Variants in MSMB observed in about 807,000 individuals in gnomAD.
The protein encoded by MSMB is beta-microseminoprotein.
In MSMB, 10 loss-of-function variants were observed where a neutral mutation model predicts 10.5. The observed-to-expected ratio is 0.95, with a 90% confidence interval of 0.59 to 1.62. The LOEUF (loss-of-function observed/expected upper bound fraction) is 1.62. Among genes scored for constraint, MSMB ranks in the 40% most tolerant of loss-of-function variants. MSMB has a pLI of 0.00. For missense variants in MSMB, 126 were observed against 137.4 expected, an observed-to-expected ratio of 0.92 and a Z score of 0.42; for synonymous variants, 43 against 46.5, an observed-to-expected ratio of 0.93 and a Z score of 0.30.
chr10:46,044,500 C>T lies in MSMB; in HGVS notation c.3+1735G>A, dbSNP rs372790744. On this transcript the variant is annotated intron_variant, in intron 1 of 3. Transcript: ENST00000582163. Reference sequence around the variant, plus strand: ...CTGAGGCAGGAGAATGGCGTGAACCCGGGAGGTGGAGCTTGCAGTGAGCCG... The same window carrying T: ...CTGAGGCAGGAGAATGGCGTGAACCTGGGAGGTGGAGCTTGCAGTGAGCCG... 6.5e-3 allele frequency among the ~76,000 whole-genome samples: 861 copies of T among 132,480 alleles called. 7 individuals are homozygous for T. The highest frequency in any genetic ancestry group is 0.034 in the Middle Eastern group (8 of 232). 86.9% of individuals were successfully genotyped at this position (132,480 alleles called of 152,430 possible). A position where few individuals can be genotyped will look rare whatever the true frequency, so the allele number is the denominator to read the frequency against.
At chr10:46,041,058 T>C (rs1554928528) in intron 1 of MSMB, among the ~76,000 whole-genome samples, 1 of 152,088 alleles carries the variant, frequency 6.6e-6, no homozygotes, top group African/African-American at 2.4e-5. Context: ...AAAAGTTAAT[T>C]GAGGGCCAGG....
chr10:46,042,757 T>C (rs10994201), intron 1 of MSMB, among the ~76,000 whole-genome samples: 22,879 of 152,168 alleles, frequency 0.15, 1,726 homozygotes, highest in African/African-American at 0.16. Flanking sequence ...TCACCACATG[T>C]CACGACATGA....
intron 1 of MSMB, among the ~76,000 whole-genome samples, chr10:46,040,339 T>C (rs1219259821): frequency 1.3e-5 from 2 of 152,124 alleles, no homozygotes; most frequent in African/African-American, 2.4e-5. Flanking sequence ...CTGGGAACTT[T>C]TGAAAGGGAA....
At chr10:46,043,943 G>A (rs181981744) in intron 1 of MSMB, among the ~76,000 whole-genome samples, 1 of 152,164 alleles carries the variant, frequency 6.6e-6, no homozygotes, top group East Asian at 2.0e-4. Flanking sequence ...CCAAAGTGCT[G>A]GGATTATGGG....
rs1840705316 is a variant in MSMB at position 46,040,010 on chromosome 10, C to G, written c.85G>C (p.Gly29Arg). ...CTCCTGGTTGAATCTCCTGGAACTC[C>G]CTCATTAGGTATGAAATAGCATGAT... Reference protein sequence around the residue: ...NASCYFIPNEGVPGDSTRKCM... With the variant: ...NASCYFIPNERVPGDSTRKCM... The change falls in exon 2 of 4, where the codon GGA (glycine) becomes CGA (arginine). Residue 29 changes from glycine (G) to arginine (R), a missense_variant. By Grantham distance (125) the Gly-to-Arg change is moderately radical. Coordinates refer to ENST00000582163, the MANE Select transcript of MSMB (RefSeq NM_002443.4). The G allele has an allele frequency of 6.2e-7, 1 of 1,613,868 alleles. No individual in the cohort carries two copies. Among genetic ancestry groups the G allele is most frequent in the Non-Finnish European group, 8.5e-7 (1 of 1,179,788 alleles).
chr10:46,040,968 C>A (rs1459343321), intron 1 of MSMB, among the ~76,000 whole-genome samples: 11 of 148,730 alleles, frequency 7.4e-5, no homozygotes, highest in African/African-American at 2.7e-4. Flanking sequence ...AAAAAAAAAG[C>A]CAAACTTCTC....
chr10:46,037,428 G>A (rs1227183401), intron 3 of MSMB, among the ~76,000 whole-genome samples: 1 of 152,190 alleles, frequency 6.6e-6, no homozygotes, highest in Non-Finnish European at 1.5e-5. Context: ...TGGATTTGGG[G>A]GGTTGGGAGT....
In MSMB at chr10:46,033,406, G is replaced by A. The variant is rs10611; in HGVS notation, c.*16C>T. ...ATGAGGCCTGGCCTGGGAGCCCTGT[G>A]CCTACTAGAAGCACATTAGATTATC... is the stretch of plus-strand genomic sequence containing the variant. On this transcript the variant is annotated 3_prime_UTR_variant, in exon 4 of 4. Transcript: ENST00000582163. The A allele has an allele frequency of 5.6e-6, 9 of 1,612,846 alleles. No individual in the cohort carries two copies. The highest frequency in any genetic ancestry group is 7.6e-6 in the Non-Finnish European group (9 of 1,179,056).
In MSMB at chr10:46,040,089, A is replaced by G. The variant is rs1408644614; in HGVS notation, c.6T>C (p.Asn2=). 6.2e-7 allele frequency: 1 copy of G among 1,613,198 alleles called. No homozygotes were observed. The highest frequency in any genetic ancestry group is 8.5e-7 in the Non-Finnish European group (1 of 1,179,218). ...AGATCACAACGCTGCCCAGGAGAACATTCTGTAATGTGAAGAAAGGTCAGG... is the reference window on the plus strand; with the variant it reads ...AGATCACAACGCTGCCCAGGAGAACGTTCTGTAATGTGAAGAAAGGTCAGG... M[N]VLLGSVVIFA... is the part of the protein sequence containing the mutation. Residue 2 remains asparagine (N), a splice_region_variant and synonymous_variant, in exon 2 of 4, where the codon AAT becomes AAC. Transcript: ENST00000582163.
chr10:46,045,451 G>A (rs1480096497), intron 1 of MSMB, among the ~76,000 whole-genome samples: 1 of 152,058 alleles, frequency 6.6e-6, no homozygotes, highest in Non-Finnish European at 1.5e-5. Context: ...AGGATCACCT[G>A]AGCCCAGGAA....
chr10:46,043,194 A>G (rs1554928863), intron 1 of MSMB, among the ~76,000 whole-genome samples: 1 of 152,160 alleles, frequency 6.6e-6, no homozygotes. Context: ...CTGAGTCACA[A>G]AGCAGGAGAG....
chr10:46,034,410 G>C lies in MSMB; in HGVS notation c.216-859C>G, dbSNP rs372080336. On this transcript the variant is annotated intron_variant, in intron 3 of 3. Coordinates refer to ENST00000582163, the MANE Select transcript of MSMB (RefSeq NM_002443.4). ...CTCCCAAAGTGCTGGGATTACAGGC[G>C]TGAGACACCATGCCCAGCCCAGTGC... Among the ~76,000 whole-genome samples, 25 of 151,546 alleles carry C rather than the reference G, an allele frequency of 1.6e-4. 1 individual carries two copies. Among genetic ancestry groups the C allele is most frequent in the Admixed American group, 1.4e-3 (21 of 15,248 alleles).
chr10:46,035,287 C>A (rs1394569363), intron 3 of MSMB, among the ~76,000 whole-genome samples: 5 of 152,096 alleles, frequency 3.3e-5, no homozygotes, highest in Admixed American at 2.0e-4. Flanking sequence ...GGTATATATC[C>A]CAAAAGAATT....
chr10:46,038,951 T>C lies in MSMB; in HGVS notation c.215+15A>G. ...GCTATGTCCCCCTCTTGGCCAGCAC[T>C]GGCTTGAGACTTACAGGGTGCAACA... On this transcript the variant is annotated intron_variant, in intron 3 of 3. Transcript: ENST00000582163. The C allele has an allele frequency of 1.9e-6, 3 of 1,611,088 alleles. No individual in the cohort carries two copies. In the South Asian group the frequency reaches 3.3e-5, roughly 18 times the overall value.
intron 3 of MSMB, among the ~76,000 whole-genome samples, chr10:46,036,614 C>T (rs1230638592): frequency 1.3e-5 from 2 of 152,186 alleles, no homozygotes; most frequent in Non-Finnish European, 2.9e-5. Flanking sequence ...GGCTCAGAGA[C>T]ATTCAGAAAC....
intron 3 of MSMB, among the ~76,000 whole-genome samples, chr10:46,038,679 A>G (rs979594275): frequency 2.6e-5 from 4 of 152,178 alleles, no homozygotes; most frequent in Non-Finnish European, 5.9e-5. Flanking sequence ...CTATGGACTC[A>G]GGTGATAATG....
intron 1 of MSMB, among the ~76,000 whole-genome samples, chr10:46,042,208 A>G (rs1554928735): frequency 1.3e-5 from 2 of 152,236 alleles, no homozygotes; most frequent in Non-Finnish European, 2.9e-5. Flanking sequence ...TTTCAGAACA[A>G]TATCATTACA....
intron 1 of MSMB, among the ~76,000 whole-genome samples, chr10:46,041,945 T>C (rs1181424423): frequency 6.6e-6 from 1 of 152,024 alleles, no homozygotes; most frequent in Non-Finnish European, 1.5e-5. Context: ...TTGAGATCTG[T>C]GGAGAGCGAT....
At chr10:46,034,679 G>T (rs924399931) in intron 3 of MSMB, among the ~76,000 whole-genome samples, 4 of 151,742 alleles carry the variant, frequency 2.6e-5, no homozygotes, top group Admixed American at 6.6e-5. Flanking sequence ...CAAAAAATTA[G>T]CCGGGCGTGG....
Sources: gnomAD v4.1 joint callset for allele counts (sites outside exome capture counted in the v4.1 genomes callset) on GRCh38, gnomAD v4.1.1 for gene constraint, MANE v1.5 for transcripts, NCBI Gene and HGNC (gene_info 2026-07-23, HGNC 2026-07-21) for gene names.